Variants in NADSYN1 observed in about 807,000 individuals in gnomAD.
The protein encoded by NADSYN1 is glutamine-dependent NAD(+) synthetase.
NADSYN1 carries 80 observed loss-of-function variants against 99.3 expected under a neutral mutation model. That is an observed-to-expected ratio of 0.81 (90% CI 0.67 to 0.97). The LOEUF (loss-of-function observed/expected upper bound fraction) is 0.97. Ranked by LOEUF, NADSYN1 falls within the 50% of genes least tolerant of loss-of-function variation. The pLI is 0.00. For missense variants in NADSYN1, 859 were observed against 948.5 expected (o/e 0.91, Z 1.24); for synonymous variants, 385 against 372.1 (o/e 1.03, Z -0.40).
Position 71,458,469 on chromosome 11 carries a change from T to A in NADSYN1, c.188T>A (p.Leu63His). The change falls in exon 3 of 21, where the codon CTC becomes CAC. Residue 63 changes from leucine (L) to histidine (H), a missense_variant. By Grantham distance (99) the Leu-to-His change is moderately conservative. Transcript: ENST00000319023. ...CWDHYYESDT[L>H]LHSFQVLAAL... ...GATCATTATTACGAGTCGGACACCCTCTTGCACTCGTTTCAAGTCCTAGCG... is the reference window on the plus strand; with the variant it reads ...GATCATTATTACGAGTCGGACACCCACTTGCACTCGTTTCAAGTCCTAGCG... 2 of 1,614,012 alleles carry A rather than the reference T, an allele frequency of 1.2e-6. No individual in the cohort carries two copies. The highest frequency in any genetic ancestry group is 1.7e-6 in the Non-Finnish European group (2 of 1,179,924).
chr11:71,479,111 A>G (rs79319282), intron 10 of NADSYN1: 12,693 of 153,500 alleles, frequency 0.083, 633 homozygotes, highest in African/African-American at 0.14. Context: ...ACAGGGTCTC[A>G]TTCCATCGCC....
intron 5 of NADSYN1, among the ~76,000 whole-genome samples, chr11:71,469,925 C>CAAAAAAAAAAAA (rs1187640837): frequency 8.3e-5 from 2 of 23,970 alleles, no homozygotes; most frequent in Non-Finnish European, 2.3e-4. Context: ...GAGCCTGTCT[C>CAAAAAAAAAAAA]AGAAAAAAAA....
At position 71,490,905 on chromosome 11, in the gene NADSYN1, G is replaced by A. The variant is rs147684130; in HGVS notation, c.1623G>A (p.Gly541=). Residue 541 remains glycine (G), a synonymous_variant, in exon 17 of 21, where the codon GGG becomes GGA. Coordinates refer to ENST00000319023, the MANE Select transcript of NADSYN1 (RefSeq NM_018161.5). The part of the protein sequence containing the change: ...CSSADINPIG[G]ISKTDLRAFV... ...GTGCGGACATCAACCCCATAGGCGGGATCAGCAAGACGGACCTCAGGGCCT... is the reference window on the plus strand; with the variant it reads ...GTGCGGACATCAACCCCATAGGCGGAATCAGCAAGACGGACCTCAGGGCCT... 3 of 1,614,092 alleles carry A rather than the reference G, an allele frequency of 1.9e-6. No individual in the cohort carries two copies. The highest frequency in any genetic ancestry group is 2.7e-5 in the African/African-American group (2 of 74,932).
intron 5 of NADSYN1, 103 bp from the exon 6 acceptor site, chr11:71,472,346 C>T: frequency 1.1e-6 from 1 of 932,074 alleles, no homozygotes; most frequent in Non-Finnish European, 1.8e-6. Context: ...TTTGCCAGTT[C>T]ATCAGTTCGG....
intron 16 of NADSYN1, among the ~76,000 whole-genome samples, chr11:71,486,592 T>C (rs1366769550): frequency 6.6e-6 from 1 of 151,678 alleles, no homozygotes; most frequent in African/African-American, 2.4e-5. Flanking sequence ...CCCACCCATC[T>C]ATCCATTTAT....
chr11:71,466,149 G>A (rs1348042659), intron 5 of NADSYN1, among the ~76,000 whole-genome samples: 1 of 152,192 alleles, frequency 6.6e-6, no homozygotes, highest in Non-Finnish European at 1.5e-5. Flanking sequence ...TTTAAAAATT[G>A]AGAATGGATG....
intron 13 of NADSYN1, among the ~76,000 whole-genome samples, chr11:71,482,533 G>C (rs1949715319): frequency 6.6e-6 from 1 of 151,276 alleles, no homozygotes; most frequent in Non-Finnish European, 1.5e-5. Flanking sequence ...GACCGGGGTG[G>C]AGCCGCATGG....
At chr11:71,483,791 A>T (rs1949724706) in intron 14 of NADSYN1, among the ~76,000 whole-genome samples, 2 of 152,206 alleles carry the variant, frequency 1.3e-5, no homozygotes, top group African/African-American at 4.8e-5. Flanking sequence ...GGACAACCCA[A>T]GGTCCATCTC....
chr11:71,477,097 C>A, intron 9 of NADSYN1: 1 of 1,119,642 alleles, frequency 8.9e-7, no homozygotes, highest in Non-Finnish European at 1.1e-6. Flanking sequence ...TCAGAGTCAC[C>A]CCTTCTGCCT....
chr11:71,473,499 AAGGGGCTGCC>A, intron 7 of NADSYN1, 60 bp from the exon 8 acceptor site: 1 of 1,539,670 alleles, frequency 6.5e-7, no homozygotes, highest in Non-Finnish European at 8.9e-7. Context: ...GGGAGAGTGC[AAGGGGCTGCC>A]AGGGAGGCTG....
In NADSYN1 at chr11:71,485,649, G is replaced by C; in HGVS notation, c.1562+1G>C. Reference sequence around the variant, plus strand: ...TGGGATCCGCCAACGTGGATGAGAGGTGAGTGTGGCCCAGTGGCACGTGGT... The same window carrying C: ...TGGGATCCGCCAACGTGGATGAGAGCTGAGTGTGGCCCAGTGGCACGTGGT... On this transcript the variant is annotated splice_donor_variant, in intron 16 of 20. Transcript: ENST00000319023. LOFTEE classifies it high-confidence loss of function. 6.4e-7 allele frequency: 1 copy of C among 1,552,220 alleles called. No homozygotes were observed. Among genetic ancestry groups the C allele is most frequent in the Non-Finnish European group, 8.7e-7 (1 of 1,147,112 alleles).
At chr11:71,461,994 T>A (rs1011308806) in intron 3 of NADSYN1, among the ~76,000 whole-genome samples, 2 of 152,232 alleles carry the variant, frequency 1.3e-5, no homozygotes, top group Non-Finnish European at 2.9e-5. Context: ...CCTGCATGCA[T>A]CTTGCCCTTT....
rs1949728511 is a variant in NADSYN1, at chr11:71,484,403, C to T, written c.1411C>T (p.His471Tyr). The T allele has an allele frequency of 4.3e-6, 7 of 1,614,070 alleles. No individual in the cohort carries two copies. The South Asian group carries it at 6.6e-5, about 15-fold the overall frequency. Residue 471 changes from histidine (H) to tyrosine (Y), a missense_variant, in exon 15 of 21, where the codon CAT becomes TAT. By Grantham distance (83) the His-to-Tyr change is moderately conservative. Transcript: ENST00000319023. The part of the protein sequence containing the change: ...VTGKSPLFAA[H>Y]GGSSRENLAL... ...GGGGAAGAGCCCTCTGTTTGCAGCT[C>T]ATGGAGGAAGCAGCAGGGAAAACCT...
intron 15 of NADSYN1, chr11:71,485,243 T>C (rs547865591): frequency 6.8e-4 from 146 of 216,124 alleles, no homozygotes; most frequent in Non-Finnish European, 1.1e-3. Context: ...TTGCCAAGCT[T>C]TCTCCCAGGG....
At chr11:71,477,521 G>A in intron 9 of NADSYN1, 1 of 1,126,406 alleles carries the variant, frequency 8.9e-7, no homozygotes. Flanking sequence ...AGTGGTGCAG[G>A]TGCTGTTCCC....
chr11:71,501,592 C>G lies in NADSYN1; in HGVS notation c.*240C>G. 3 of 525,876 alleles carry G rather than the reference C, an allele frequency of 5.7e-6. No homozygotes were observed. The highest frequency in any genetic ancestry group is 3.2e-5 in the East Asian group (1 of 31,130). The allele number at this position is 525,876 out of a possible 1,614,324, so 32.6% of individuals were successfully genotyped here. A position where few individuals can be genotyped will look rare whatever the true frequency, so the allele number is the denominator to read the frequency against. On this transcript the variant is annotated 3_prime_UTR_variant, in exon 21 of 21. Transcript: ENST00000319023. ...GACCTCCCGCCAGCGTGCGCTTCCC[C>G]GCGAAGTCTGGCATTCTCCGAAGGA...
chr11:71,484,736 C>T, intron 15 of NADSYN1: 1 of 391,784 alleles, frequency 2.6e-6, no homozygotes, highest in Non-Finnish European at 4.8e-6. Flanking sequence ...CGAGTGTGTG[C>T]ATGAGCCTGA....
chr11:71,484,902 T>G, intron 15 of NADSYN1: 1 of 196,626 alleles, frequency 5.1e-6, no homozygotes, highest in Non-Finnish European at 1.1e-5. Context: ...GATGTGTGAG[T>G]GTGCACAAAC....
chr11:71,462,244 A>C (rs1318725166), intron 3 of NADSYN1, among the ~76,000 whole-genome samples: 1 of 152,212 alleles, frequency 6.6e-6, no homozygotes, highest in Non-Finnish European at 1.5e-5. Context: ...CTTAAGTCTC[A>C]TAAGAAACAT....
Sources: gnomAD v4.1 joint callset for allele counts (sites outside exome capture counted in the v4.1 genomes callset) on GRCh38, gnomAD v4.1.1 for gene constraint, MANE v1.5 for transcripts, NCBI Gene and HGNC (gene_info 2026-07-23, HGNC 2026-07-21) for gene names.